The following ARB2A variants were observed in gnomAD, a reference collection of about 807,000 sequenced individuals.
ARB2A encodes the protein ARB2 cotranscriptional regulator A.
At chr5:93,649,978 C>T in the ARB2A span, among the ~76,000 whole-genome samples, 2 of 152,048 alleles carry the variant, frequency 1.3e-5, no homozygotes, top group Non-Finnish European at 2.9e-5. Context: ...TCCAGAGACT[C>T]AACAACTCAT....
the ARB2A span, among the ~76,000 whole-genome samples, chr5:93,920,469 C>A: frequency 6.6e-6 from 1 of 151,706 alleles, no homozygotes; most frequent in African/African-American, 2.4e-5. Context: ...TAAATATATT[C>A]AAAAAATTTG....
At chr5:94,032,392 C>A in the ARB2A span, among the ~76,000 whole-genome samples, 1 of 152,022 alleles carries the variant, frequency 6.6e-6, no homozygotes, top group Non-Finnish European at 1.5e-5. Context: ...AGGAGGGGTG[C>A]CAAACACGTT....
At chr5:93,790,192 A>G in the ARB2A span, among the ~76,000 whole-genome samples, 1 of 152,214 alleles carries the variant, frequency 6.6e-6, no homozygotes, top group African/African-American at 2.4e-5. Flanking sequence ...AAATCCCCGT[A>G]AGTCATAGGA....
the ARB2A span, among the ~76,000 whole-genome samples, chr5:93,836,343 T>C: frequency 6.6e-6 from 1 of 152,218 alleles, no homozygotes; most frequent in Non-Finnish European, 1.5e-5. Flanking sequence ...AAATTCTTAT[T>C]TTCAGCAATT....
chr5:93,708,391 A>G, the ARB2A span, among the ~76,000 whole-genome samples: 1 of 152,214 alleles, frequency 6.6e-6, no homozygotes, highest in African/African-American at 2.4e-5. Flanking sequence ...AGGGTCCCCT[A>G]CATCAGCAGT....
chr5:94,026,094 C>G, the ARB2A span, among the ~76,000 whole-genome samples: 2 of 152,136 alleles, frequency 1.3e-5, no homozygotes, highest in African/African-American at 2.4e-5. Context: ...GGTGTCCAGG[C>G]AGGGGTGACC....
chr5:93,794,913 A>G, the ARB2A span, among the ~76,000 whole-genome samples: 2 of 152,144 alleles, frequency 1.3e-5, no homozygotes, highest in Non-Finnish European at 2.9e-5. Flanking sequence ...CACTTTCAAG[A>G]GCACATCAGC....
chr5:93,851,667 C>T, the ARB2A span, among the ~76,000 whole-genome samples: 3 of 151,980 alleles, frequency 2.0e-5, no homozygotes, highest in Non-Finnish European at 2.9e-5. Context: ...TGTGTTCTCA[C>T]TGTTCAATTC....
the ARB2A span, among the ~76,000 whole-genome samples, chr5:93,909,748 C>T: frequency 6.6e-6 from 1 of 150,454 alleles, no homozygotes; most frequent in Non-Finnish European, 1.5e-5. Context: ...AATATGAAAG[C>T]CCCCCTACTT....
the ARB2A span, among the ~76,000 whole-genome samples, chr5:93,946,465 G>C: frequency 2.0e-5 from 3 of 152,026 alleles, no homozygotes; most frequent in African/African-American, 7.2e-5. Flanking sequence ...TTAATTCCAT[G>C]AAAACAAAGA....
chr5:94,048,850 T>C, the ARB2A span, among the ~76,000 whole-genome samples: 1 of 152,190 alleles, frequency 6.6e-6, no homozygotes, highest in African/African-American at 2.4e-5. Flanking sequence ...CTGTTTCCTA[T>C]ACAGTTGTCC....
the ARB2A span, among the ~76,000 whole-genome samples, chr5:94,032,670 G>A: frequency 6.6e-6 from 1 of 152,090 alleles, no homozygotes; most frequent in Non-Finnish European, 1.5e-5. Context: ...AAGTCATAGG[G>A]GCAGGACTTC....
chr5:93,822,175 A>C, the ARB2A span, among the ~76,000 whole-genome samples: 1 of 152,128 alleles, frequency 6.6e-6, no homozygotes, highest in Non-Finnish European at 1.5e-5. Context: ...GATGGAGAAA[A>C]ACTTTAGCTC....
the ARB2A span, among the ~76,000 whole-genome samples, chr5:93,846,621 AAGTT>A: frequency 6.6e-6 from 1 of 152,184 alleles, no homozygotes; most frequent in African/African-American, 2.4e-5. Flanking sequence ...AGGTGTAATT[AAGTT>A]ATTTATATAC....
the ARB2A span, among the ~76,000 whole-genome samples, chr5:93,991,060 T>C: frequency 1.3e-5 from 2 of 152,132 alleles, no homozygotes; most frequent in African/African-American, 4.8e-5. Flanking sequence ...AAGTTGTATA[T>C]GCATAAGGTG....
the ARB2A span, among the ~76,000 whole-genome samples, chr5:93,849,527 A>G: frequency 6.6e-6 from 1 of 152,128 alleles, no homozygotes; most frequent in East Asian, 1.9e-4. Context: ...TTAAACCTCC[A>G]TAACTCTGTA....
chr5:94,110,172 A>T, the ARB2A span, among the ~76,000 whole-genome samples: 8 of 152,146 alleles, frequency 5.3e-5, no homozygotes, highest in East Asian at 1.5e-3. Context: ...GGCGTGAGCC[A>T]CCGCGCCCTG....
the ARB2A span, among the ~76,000 whole-genome samples, chr5:93,705,931 A>G: frequency 6.6e-6 from 1 of 152,180 alleles, no homozygotes; most frequent in Non-Finnish European, 1.5e-5. Flanking sequence ...CCCTTTTCCC[A>G]TAAACTGGCC....
At chr5:93,859,027 T>C in the ARB2A span, among the ~76,000 whole-genome samples, 1 of 152,006 alleles carries the variant, frequency 6.6e-6, no homozygotes, top group African/African-American at 2.4e-5. Flanking sequence ...AATAATTATA[T>C]AAGAATAGCA....
Sources: allele counts gnomAD v4.1 joint callset (sites outside exome capture counted in the v4.1 genomes callset), GRCh38; gene constraint gnomAD v4.1.1; transcripts MANE v1.5; gene names NCBI Gene and HGNC (gene_info 2026-07-23, HGNC 2026-07-21).